Variants in CSNK1G2 observed in about 807,000 individuals in gnomAD.
CSNK1G2 encodes the protein casein kinase I isoform gamma-2.
CSNK1G2 carries 11 observed loss-of-function variants against 48.0 expected under a neutral mutation model. The ratio of observed to expected loss-of-function variants is 0.23; its 90% CI spans 0.14 to 0.38. The LOEUF is 0.38. Ranked by LOEUF, CSNK1G2 falls within the 10% of genes least tolerant of loss-of-function variation. The pLI, the probability that CSNK1G2 is intolerant of heterozygous loss-of-function variation, is 1.00. For missense variants in CSNK1G2, 446 were observed against 595.5 expected (o/e 0.75, Z 2.61); for synonymous variants, 337 against 254.1 (o/e 1.33, Z -3.10).
At chr19:1,948,836 T>C (rs1010246149) in intron 1 of CSNK1G2, among the ~76,000 whole-genome samples, 3 of 152,208 alleles carry the variant, frequency 2.0e-5, no homozygotes, top group Non-Finnish European at 4.4e-5. Flanking sequence ...GGACACGTGG[T>C]CCGCGCACAC....
intron 2 of CSNK1G2, among the ~76,000 whole-genome samples, chr19:1,970,545 C>G (rs1286587434): frequency 6.6e-6 from 1 of 152,228 alleles, no homozygotes; most frequent in Non-Finnish European, 1.5e-5. Context: ...GAGGACTGAG[C>G]CTCTCATTGG....
At chr19:1,966,271 G>A (rs1485865546) in intron 1 of CSNK1G2, among the ~76,000 whole-genome samples, 9 of 152,200 alleles carry the variant, frequency 5.9e-5, no homozygotes, top group Non-Finnish European at 1.2e-4. Flanking sequence ...GAGGTAACAT[G>A]TCAGGATGAG....
At chr19:1,952,148 C>CACACAG (rs1225282498) in intron 1 of CSNK1G2, among the ~76,000 whole-genome samples, 1 of 152,120 alleles carries the variant, frequency 6.6e-6, no homozygotes, top group African/African-American at 2.4e-5. Context: ...TGAAAGGGGT[C>CACACAG]GTGATGGTCA....
At chr19:1,964,796 G>A (rs1211116379) in intron 1 of CSNK1G2, among the ~76,000 whole-genome samples, 5 of 151,356 alleles carry the variant, frequency 3.3e-5, no homozygotes, top group Non-Finnish European at 1.5e-5. Context: ...TGCCATCTCG[G>A]TTCACTGCAA....
intron 2 of CSNK1G2, among the ~76,000 whole-genome samples, chr19:1,977,102 G>A (rs1159547298): frequency 6.6e-6 from 1 of 152,208 alleles, no homozygotes; most frequent in East Asian, 1.9e-4. Context: ...GACCCAACAC[G>A]GTGACCCAGC....
intron 1 of CSNK1G2, among the ~76,000 whole-genome samples, chr19:1,965,564 G>C (rs771230863): frequency 6.6e-6 from 1 of 151,692 alleles, no homozygotes; most frequent in Non-Finnish European, 1.5e-5. Flanking sequence ...GCAGTAGCAC[G>C]ATCTTGGCTC....
chr19:1,955,414 T>C (rs1034773598), intron 1 of CSNK1G2, among the ~76,000 whole-genome samples: 1 of 151,484 alleles, frequency 6.6e-6, no homozygotes, highest in East Asian at 1.9e-4. Context: ...GTGCAAGCAG[T>C]GCTCCCGTTT....
At chr19:1,971,991 G>A (rs1213058950) in intron 2 of CSNK1G2, among the ~76,000 whole-genome samples, 7 of 152,246 alleles carry the variant, frequency 4.6e-5, no homozygotes, top group East Asian at 1.9e-4. Context: ...GGATGGTCTT[G>A]ATCTCCTGAC....
chr19:1,976,174 T>G, intron 2 of CSNK1G2: 1 of 1,116,946 alleles, frequency 9.0e-7, no homozygotes, highest in Non-Finnish European at 1.2e-6. Context: ...TCCTGTTGTT[T>G]TACGAGGAGA....
intron 1 of CSNK1G2, among the ~76,000 whole-genome samples, chr19:1,953,230 C>T (rs548941263): frequency 8.2e-4 from 125 of 152,298 alleles, no homozygotes; most frequent in Admixed American, 1.7e-3. Context: ...CTGTCTGTGG[C>T]ACCACTTGGG....
At chr19:1,965,583 C>T (rs1471791831) in intron 1 of CSNK1G2, among the ~76,000 whole-genome samples, 1 of 152,106 alleles carries the variant, frequency 6.6e-6, no homozygotes, top group Non-Finnish European at 1.5e-5. Context: ...TCACTGCATC[C>T]TCCACCTCCC....
chr19:1,944,313 C>CAG (rs2014474486), intron 1 of CSNK1G2, among the ~76,000 whole-genome samples: 1 of 152,128 alleles, frequency 6.6e-6, no homozygotes, highest in Non-Finnish European at 1.5e-5. Flanking sequence ...AGTCTGGAGG[C>CAG]TCCCTAGGTC....
Position 1,951,130 on chromosome 19 carries a change from G to T in CSNK1G2, c.-266+9712G>T, listed in dbSNP as rs982779631. ...ATAAAAATCAAAGATGGCCAGGCAC[G>T]GTGGCTCACGCCTGTAATCCCAGCA... On this transcript the variant is annotated intron_variant, in intron 1 of 11. Transcript: ENST00000255641. Among the ~76,000 whole-genome samples, 7 of 145,720 alleles carry T rather than the reference G, an allele frequency of 4.8e-5. No homozygotes were observed. In the Admixed American group the frequency reaches 4.8e-4, roughly 10 times the overall value.
At chr19:1,962,951 G>A (rs537998206) in intron 1 of CSNK1G2, among the ~76,000 whole-genome samples, 8 of 152,178 alleles carry the variant, frequency 5.3e-5, no homozygotes, top group South Asian at 2.1e-4. Context: ...AGGAGGAGGC[G>A]TAGTGTGGCC....
intron 2 of CSNK1G2, among the ~76,000 whole-genome samples, chr19:1,973,967 A>C (rs1471242474): frequency 6.6e-6 from 1 of 152,000 alleles, no homozygotes; most frequent in East Asian, 1.9e-4. Flanking sequence ...GGCTCACCAC[A>C]ACCTCCGCCT....
rs192663557 is a variant in CSNK1G2 at position 1,960,614 on chromosome 19, G to A, written c.-265-8894G>A. 2.0e-4 allele frequency among the ~76,000 whole-genome samples: 31 copies of A among 152,344 alleles called. No individual in the cohort carries two copies. The East Asian group carries it at 4.8e-3, about 24-fold the overall frequency. On this transcript the variant is annotated intron_variant, in intron 1 of 11. Coordinates refer to ENST00000255641, the MANE Select transcript of CSNK1G2 (RefSeq NM_001319.7). The stretch of plus-strand genomic sequence containing the variant: ...TGGAAAATCTAATAGTAGTCAGGGC[G>A]TGGTGGTTGACACCTATAATCCCAG...
chr19:1,980,211 C>CG lies in CSNK1G2; in HGVS notation c.*9dup, dbSNP rs2015934934. 11 of 1,612,694 alleles carry CG rather than the reference C, an allele frequency of 6.8e-6. No homozygotes were observed. Among genetic ancestry groups the CG allele is most frequent in the Non-Finnish European group, 9.3e-6 (11 of 1,179,816 alleles). ...CTGCAGCGACACAAGTGACCCTGGG[C>CG]GCGTGCAGCCCCCTGAATCTTCTCC... On this transcript the variant is annotated 3_prime_UTR_variant, in exon 12 of 12. Transcript: ENST00000255641.
Position 1,980,437 on chromosome 19 carries a change from T to C in CSNK1G2, c.*234T>C, listed in dbSNP as rs2015946549. The C allele has an allele frequency of 7.0e-6, 4 of 574,672 alleles. No homozygotes were observed. The Admixed American group carries it at 9.5e-5, about 14-fold the overall frequency. 35.6% of individuals were successfully genotyped at this position (574,672 alleles called of 1,614,324 possible). A position where few individuals can be genotyped will look rare whatever the true frequency, so the allele number is the denominator to read the frequency against. On this transcript the variant is annotated 3_prime_UTR_variant, in exon 12 of 12. Transcript: ENST00000255641. The stretch of plus-strand genomic sequence containing the variant: ...TCTACACCTGTGTCTAGTCCTCCCC[T>C]CCAAGAGCATTAACTATTTAAAACA...
intron 1 of CSNK1G2, among the ~76,000 whole-genome samples, chr19:1,943,251 G>T (rs1258044906): frequency 2.0e-5 from 3 of 152,144 alleles, no homozygotes; most frequent in African/African-American, 7.2e-5. Flanking sequence ...CTGTGCCTTC[G>T]GACTTCCTTG....
Sources: allele counts gnomAD v4.1 joint callset (sites outside exome capture counted in the v4.1 genomes callset), GRCh38; gene constraint gnomAD v4.1.1; transcripts MANE v1.5; gene names NCBI Gene and HGNC (gene_info 2026-07-23, HGNC 2026-07-21).